Variants in TTC23 observed in about 807,000 individuals in gnomAD.
TTC23 encodes tetratricopeptide repeat domain 23.
Under a neutral mutation model 55.1 loss-of-function variants are expected in TTC23, and 58 were observed. The observed-to-expected ratio is 1.05, with a 90% CI of 0.85 to 1.31. The LOEUF (loss-of-function observed/expected upper bound fraction) is 1.31. Among genes scored for constraint, TTC23 ranks in the 50% most tolerant of loss-of-function variants. TTC23 has a pLI of 0.00. For missense variants in TTC23, 516 were observed against 534.4 expected (o/e 0.97, Z 0.34); for synonymous variants, 203 against 199.9 (o/e 1.02, Z -0.13).
At chr15:99,164,936 C>G (rs2071860846) in intron 10 of TTC23, among the ~76,000 whole-genome samples, 1 of 152,134 alleles carries the variant, frequency 6.6e-6, no homozygotes, top group African/African-American at 2.4e-5. Flanking sequence ...GATTCTGGCT[C>G]TGCCCCTTAC....
intron 8 of TTC23, among the ~76,000 whole-genome samples, chr15:99,210,765 C>T (rs1326228894): frequency 2.6e-5 from 4 of 152,104 alleles, no homozygotes; most frequent in Non-Finnish European, 5.9e-5. Context: ...TTTGGGAGGA[C>T]TATGGGATCT....
intron 12 of TTC23, 134 bp downstream of exon 12, chr15:99,156,014 C>G: frequency 8.1e-7 from 1 of 1,238,222 alleles, no homozygotes; most frequent in Non-Finnish European, 1.1e-6. Context: ...AGATCTACCA[C>G]AAAAGTGATG....
At chr15:99,139,242 C>T (rs1555488740) in intron 13 of TTC23, 75 bp downstream of exon 13, 1 of 1,563,862 alleles carries the variant, frequency 6.4e-7, no homozygotes, top group Admixed American at 1.8e-5. Flanking sequence ...ACAGAACCTT[C>T]TAGAACCAGC....
chr15:99,168,204 GGA>G (rs2072411983), intron 10 of TTC23, among the ~76,000 whole-genome samples: 1 of 152,226 alleles, frequency 6.6e-6, no homozygotes, highest in Non-Finnish European at 1.5e-5. Flanking sequence ...TGTGATACAA[GGA>G]AGTCCGTGGC....
chr15:99,246,264 T>C (rs868322787), intron 1 of TTC23, among the ~76,000 whole-genome samples: 1 of 152,230 alleles, frequency 6.6e-6, no homozygotes, highest in Non-Finnish European at 1.5e-5. Flanking sequence ...AGACAATATT[T>C]GTAAATCATT....
intron 8 of TTC23, among the ~76,000 whole-genome samples, chr15:99,201,928 T>TA (rs1167115079): frequency 6.6e-6 from 1 of 152,192 alleles, no homozygotes; most frequent in Non-Finnish European, 1.5e-5. Context: ...GCCAAAGACT[T>TA]AGATTCCGTG....
chr15:99,199,173 G>T (rs2075989465), intron 9 of TTC23, among the ~76,000 whole-genome samples: 1 of 152,040 alleles, frequency 6.6e-6, no homozygotes, highest in South Asian at 2.1e-4. Context: ...AAAAACTGAG[G>T]CTTCTAGAAG....
chr15:99,234,414 A>C (rs1175658560), intron 4 of TTC23, among the ~76,000 whole-genome samples: 3 of 152,172 alleles, frequency 2.0e-5, no homozygotes, highest in Non-Finnish European at 2.9e-5. Context: ...TCTGTCGCCT[A>C]GGCTGGAGTG....
At chr15:99,203,714 T>A (rs1046775240) in intron 8 of TTC23, among the ~76,000 whole-genome samples, 1 of 150,294 alleles carries the variant, frequency 6.7e-6, no homozygotes, top group Non-Finnish European at 1.5e-5. Context: ...CTTTTTTTTT[T>A]AAATCTTTTT....
chr15:99,189,837 G>C (rs1343947621), intron 9 of TTC23, among the ~76,000 whole-genome samples: 1 of 152,062 alleles, frequency 6.6e-6, no homozygotes, highest in Non-Finnish European at 1.5e-5. Context: ...TGCCATAAAG[G>C]ACCTAATTGG....
intron 8 of TTC23, among the ~76,000 whole-genome samples, chr15:99,201,646 G>C (rs963788680): frequency 1.3e-5 from 2 of 152,118 alleles, no homozygotes; most frequent in African/African-American, 4.8e-5. Flanking sequence ...TTCTATAATT[G>C]TGAAGAGGTT....
chr15:99,152,401 C>A (rs1439282328), intron 12 of TTC23, among the ~76,000 whole-genome samples: 1 of 152,134 alleles, frequency 6.6e-6, no homozygotes, highest in South Asian at 2.1e-4. Context: ...GAGATGGAGT[C>A]TTTCTTGCTC....
intron 8 of TTC23, among the ~76,000 whole-genome samples, chr15:99,211,608 A>G (rs1031488941): frequency 6.8e-6 from 1 of 147,822 alleles, no homozygotes; most frequent in Non-Finnish European, 1.5e-5. Flanking sequence ...AAAATGTTCA[A>G]TTAGATCATA....
In TTC23 at chr15:99,217,266, T is replaced by G. The variant is rs2077549960; in HGVS notation, c.581+1322A>C. 2.0e-5 allele frequency among the ~76,000 whole-genome samples: 3 copies of G among 151,966 alleles called. No homozygotes were observed. The South Asian group carries it at 6.2e-4, about 32-fold the overall frequency. ...CTGCCTCCTGGGTTCAAGCGATTTC[T>G]CCTGCCTCAGCCTCCTGAGTAGCTG... On this transcript the variant is annotated intron_variant, in intron 8 of 13. Transcript: ENST00000394132.
chr15:99,208,685 TCA>T, intron 8 of TTC23, among the ~76,000 whole-genome samples: 1 of 151,804 alleles, frequency 6.6e-6, no homozygotes, highest in East Asian at 1.9e-4. Context: ...AGTACACTAT[TCA>T]CATAAAAGAA....
At chr15:99,176,898 C>T (rs560933931) in intron 9 of TTC23, among the ~76,000 whole-genome samples, 2 of 152,132 alleles carry the variant, frequency 1.3e-5, no homozygotes, top group African/African-American at 4.8e-5. Flanking sequence ...TGCTGCCATT[C>T]CCCCCACCCT....
rs1374219687 is a variant in TTC23 at position 99,175,204 on chromosome 15, C to A, written c.760-49G>T. On this transcript the variant is annotated intron_variant, in intron 9 of 13. Transcript: ENST00000394132. The stretch of plus-strand genomic sequence containing the variant: ...ATGTTGTTTACATACTTGGCAGCAG[C>A]AGCAGGGAATTAACTGTCCTTGCAG... 3 of 1,498,854 alleles carry A rather than the reference C, an allele frequency of 2.0e-6. No individual in the cohort carries two copies. The South Asian group carries it at 3.4e-5, about 17-fold the overall frequency. The allele number at this position is 1,498,854 out of a possible 1,614,324, so 92.8% of individuals were successfully genotyped here.
intron 1 of TTC23, among the ~76,000 whole-genome samples, chr15:99,246,896 T>C (rs1188833128): frequency 6.6e-6 from 1 of 152,046 alleles, no homozygotes; most frequent in African/African-American, 2.4e-5. Flanking sequence ...CACTCCAGCC[T>C]GAGCGACAAA....
At position 99,211,704 on chromosome 15, in the gene TTC23, T is replaced by C. The variant is rs4965457; in HGVS notation, c.581+6884A>G. Among the ~76,000 whole-genome samples, 374 of 152,310 alleles carry C rather than the reference T, an allele frequency of 2.5e-3. 2 individuals are homozygous for C. Among genetic ancestry groups the C allele is most frequent in the African/African-American group, 8.4e-3 (348 of 41,560 alleles). On this transcript the variant is annotated intron_variant, in intron 8 of 13. Coordinates refer to ENST00000394132, the MANE Select transcript of TTC23 (RefSeq NM_001288615.3). The stretch of plus-strand genomic sequence containing the variant: ...CTAGATGCTTTAAAGTAATATCTTT[T>C]TAATCTTCACAGCAACCCCTGGAGG...
Sources: gnomAD v4.1 joint callset for allele counts (sites outside exome capture counted in the v4.1 genomes callset) on GRCh38, gnomAD v4.1.1 for gene constraint, MANE v1.5 for transcripts, NCBI Gene and HGNC (gene_info 2026-07-23, HGNC 2026-07-21) for gene names.